The following TAF1 variants were observed in gnomAD, a reference collection of about 807,000 sequenced individuals.
TAF1 encodes TATA-box binding protein associated factor 1, also known as transcription initiation factor TFIID subunit 1.
TAF1 carries 2 observed loss-of-function variants against 138.5 expected under a neutral mutation model. The observed-to-expected ratio is 0.01, with a 90% CI of 0.01 to 0.05. TAF1 has a LOEUF of 0.05. Ranked by LOEUF, TAF1 falls within the 10% of genes least tolerant of loss-of-function variation. The probability of loss-of-function intolerance (pLI) is 1.00; values close to 1 mark genes in which losing one functional copy is unlikely to be tolerated. For synonymous variants in TAF1, 437 were observed against 503.2 expected (o/e 0.87, Z 1.76); for missense variants, 709 against 1,478.0 (o/e 0.48, Z 8.53).
At chrX:71,496,950 C>T (rs1217147993) in intron 13 of TAF1, among the ~76,000 whole-genome samples, 3 of 112,314 alleles carry the variant, frequency 2.7e-5, no homozygotes, top group Non-Finnish European at 1.9e-5. Context: ...AGGTTAGGAA[C>T]TCCCTTTCTT....
chrX:71,385,151 C>T (rs2148308240), intron 14 of TAF1, 102 bp downstream of exon 14: 1 of 583,479 alleles, frequency 1.7e-6, no homozygotes, highest in East Asian at 3.6e-5. Context: ...GATTGAGATG[C>T]TTTAATTTTA....
chrX:71,514,106 G>A (rs762136267), intron 13 of TAF1, among the ~76,000 whole-genome samples: 1 of 111,632 alleles, frequency 9.0e-6, no homozygotes, highest in Non-Finnish European at 1.9e-5. Flanking sequence ...ACCTTTAAGA[G>A]CTGTAACACT....
At chrX:71,382,108 G>A (rs975299267) in intron 9 of TAF1, among the ~76,000 whole-genome samples, 189 bp downstream of exon 9, 2 of 112,026 alleles carry the variant, frequency 1.8e-5, no homozygotes, top group Non-Finnish European at 3.8e-5. Context: ...ACTCACGTAG[G>A]AATGTTGGAA....
intron 8 of TAF1, 73 bp downstream of exon 8, chrX:71,379,104 G>GTTT: frequency 3.2e-5 from 12 of 372,290 alleles, no homozygotes; most frequent in Non-Finnish European, 4.1e-5. Context: ...GCTCAGCTGT[G>GTTT]ATTTTTTTTT....
At position 71,507,201 on chromosome X, in the gene TAF1, T is replaced by C. The variant is rs1377189306; in HGVS notation, c.1367-21341T>C. Among the ~76,000 whole-genome samples the C allele has an allele frequency of 4.5e-5, 5 of 111,740 alleles. No individual in the cohort carries two copies. In the South Asian group the frequency reaches 1.9e-3, roughly 42 times the overall value. On this transcript the variant is annotated intron_variant and NMD_transcript_variant, in intron 13 of 14. Transcript: ENST00000373775. The stretch of plus-strand genomic sequence containing the variant: ...CTAAATGCCACTGAATTATACACTT[T>C]CAAATGGTTAATCTTATGTTTTATG...
intron 13 of TAF1, among the ~76,000 whole-genome samples, chrX:71,484,281 G>A (rs2039133062): frequency 9.0e-6 from 1 of 110,833 alleles, no homozygotes; most frequent in Admixed American, 9.7e-5. Flanking sequence ...TTTTCTTTCT[G>A]GACCACTATA....
chrX:71,432,806 A>G (rs1602656340), intron 32 of TAF1, among the ~76,000 whole-genome samples: 1 of 111,975 alleles, frequency 8.9e-6, no homozygotes, highest in African/African-American at 3.2e-5. Flanking sequence ...TTCTTTGGCA[A>G]TTTGTGTTTT....
At chrX:71,473,990 C>T (rs751797251) in intron 13 of TAF1, among the ~76,000 whole-genome samples, 1 of 110,559 alleles carries the variant, frequency 9.0e-6, no homozygotes, top group South Asian at 3.9e-4. Flanking sequence ...ATTAAAAGTA[C>T]AAAAATTAGC....
At chrX:71,424,739 C>T (rs971698213) in intron 32 of TAF1, among the ~76,000 whole-genome samples, 1 of 111,801 alleles carries the variant, frequency 8.9e-6, no homozygotes, top group Non-Finnish European at 1.9e-5. Context: ...ATTTTCTTGC[C>T]TCAGCCTCCT....
At chrX:71,450,170 T>C (rs2037889905) in intron 32 of TAF1, among the ~76,000 whole-genome samples, 1 of 111,140 alleles carries the variant, frequency 9.0e-6, no homozygotes, top group Non-Finnish European at 1.9e-5. Flanking sequence ...AAAGAATAAA[T>C]GACCTATACT....
At chrX:71,422,893 C>CCA (rs1446210888) in intron 29 of TAF1, among the ~76,000 whole-genome samples, 1 of 110,717 alleles carries the variant, frequency 9.0e-6, no homozygotes, top group Non-Finnish European at 1.9e-5. Context: ...GCGCCCGCCA[C>CCA]CACGCCCAGC....
chrX:71,366,908 G>T (rs2032560381), intron 1 of TAF1, among the ~76,000 whole-genome samples: 2 of 111,806 alleles, frequency 1.8e-5, no homozygotes, highest in Non-Finnish European at 3.8e-5. Context: ...CCTCCCGCTC[G>T]TTTGGTTCCG....
At chrX:71,449,019 G>T (rs1182976817) in intron 32 of TAF1, among the ~76,000 whole-genome samples, 1 of 94,529 alleles carries the variant, frequency 1.1e-5, no homozygotes, top group Non-Finnish European at 2.1e-5. Context: ...GTTTTGTTTT[G>T]AGAGCTCTTG....
intron 14 of TAF1, among the ~76,000 whole-genome samples, chrX:71,386,452 C>G (rs1034769955): frequency 1.8e-5 from 2 of 111,526 alleles, no homozygotes; most frequent in African/African-American, 3.3e-5. Context: ...CTCTTTCTAC[C>G]TCATTGGTTG....
At chrX:71,375,551 TA>T (rs1318123660) in intron 4 of TAF1, among the ~76,000 whole-genome samples, 37 of 103,937 alleles carry the variant, frequency 3.6e-4, no homozygotes, top group African/African-American at 4.2e-4. Context: ...TTAGAATCTT[TA>T]AAAAAAAAAA....
intron 28 of TAF1, among the ~76,000 whole-genome samples, chrX:71,410,752 C>T (rs957512257): frequency 8.2e-5 from 9 of 109,658 alleles, no homozygotes; most frequent in Non-Finnish European, 1.5e-4. Flanking sequence ...ACACTGCACC[C>T]GGCCTTTTAG....
chrX:71,429,927 A>C, intron 32 of TAF1, among the ~76,000 whole-genome samples: 1 of 111,668 alleles, frequency 9.0e-6, no homozygotes, highest in East Asian at 2.8e-4. Context: ...GTTTTAGAGG[A>C]CTATAAATGT....
At chrX:71,498,150 C>T (rs769923352) in intron 13 of TAF1, among the ~76,000 whole-genome samples, 10 of 111,705 alleles carry the variant, frequency 9.0e-5, no homozygotes, top group East Asian at 8.4e-4. Context: ...CTAGACCTTG[C>T]GCCAGTGCCT....
At chrX:71,381,409 C>T (rs903084475) in intron 8 of TAF1, among the ~76,000 whole-genome samples, 1 of 111,909 alleles carries the variant, frequency 8.9e-6, no homozygotes, top group Non-Finnish European at 1.9e-5. Flanking sequence ...GGATTACAGG[C>T]ATGTGCCACC....
Sources: allele counts gnomAD v4.1 joint callset (sites outside exome capture counted in the v4.1 genomes callset), GRCh38; gene constraint gnomAD v4.1.1; transcripts MANE v1.5; gene names NCBI Gene and HGNC (gene_info 2026-07-23, HGNC 2026-07-21).